PAPPA2: variants seen among roughly 807,000 people sequenced by gnomAD.
The protein encoded by PAPPA2 is pappalysin-2.
A neutral mutation model predicts 176.4 loss-of-function variants in PAPPA2; 86 were observed. That is an observed-to-expected ratio of 0.49 (90% CI 0.41 to 0.58). The LOEUF (loss-of-function observed/expected upper bound fraction) is 0.58. Among genes scored for constraint, PAPPA2 ranks in the 20% least tolerant of loss-of-function variants. The pLI is 0.00. For missense variants in PAPPA2, 2,073 were observed against 2,256.9 expected (o/e 0.92, Z 1.65); for synonymous variants, 809 against 852.2 (o/e 0.95, Z 0.88).
intron 3 of PAPPA2, among the ~76,000 whole-genome samples, chr1:176,625,831 G>T (rs561134874): frequency 1.3e-5 from 2 of 152,020 alleles, no homozygotes; most frequent in Non-Finnish European, 2.9e-5. Flanking sequence ...CATCAGCCTG[G>T]GCAACATGGC....
intron 1 of PAPPA2, among the ~76,000 whole-genome samples, chr1:176,536,810 A>C (rs779572885): frequency 6.6e-6 from 1 of 152,210 alleles, no homozygotes; most frequent in Non-Finnish European, 1.5e-5. Flanking sequence ...CCAATCCAGG[A>C]AAGAGTAAAG....
intron 3 of PAPPA2, among the ~76,000 whole-genome samples, chr1:176,618,661 A>G (rs1558476074): frequency 6.6e-6 from 1 of 152,260 alleles, no homozygotes; most frequent in Non-Finnish European, 1.5e-5. Context: ...TTTACCAGAT[A>G]AATGAGGTAT....
At chr1:176,651,477 T>C (rs1475295361) in intron 3 of PAPPA2, among the ~76,000 whole-genome samples, 6 of 151,658 alleles carry the variant, frequency 4.0e-5, no homozygotes, top group Non-Finnish European at 7.4e-5. Flanking sequence ...ATAGTTTCCA[T>C]AGGGAAGTCT....
intron 11 of PAPPA2, among the ~76,000 whole-genome samples, chr1:176,711,341 G>T (rs1006097292): frequency 6.6e-6 from 1 of 152,118 alleles, no homozygotes; most frequent in Non-Finnish European, 1.5e-5. Flanking sequence ...GGTAATGACC[G>T]CTCTCTGAAG....
intron 21 of PAPPA2, among the ~76,000 whole-genome samples, chr1:176,838,579 G>A (rs1390598661): frequency 6.6e-6 from 1 of 152,182 alleles, no homozygotes; most frequent in Admixed American, 6.5e-5. Context: ...GCATCTATAG[G>A]TGTTAAGGAT....
Position 176,706,414 on chromosome 1 carries a change from A to C in PAPPA2, c.3421A>C (p.Lys1141Gln). Residue 1141 changes from lysine (K) to glutamine (Q), a missense_variant, in exon 10 of 23, where the codon AAG becomes CAG. By Grantham distance (53) the Lys-to-Gln change is moderately conservative (BLOSUM62 1). Coordinates refer to ENST00000367662, the MANE Select transcript of PAPPA2 (RefSeq NM_020318.3). ...CCTTGTGAGCGGAGATGGCTGCTCC[A>C]AGGTGTGTGAGCTGGAGGAAGGTTT... The part of the protein sequence containing the change: ...GDLVSGDGCS[K>Q]VCELEEGFNC... 6.2e-7 allele frequency: 1 copy of C among 1,613,822 alleles called. No homozygotes were observed. Among genetic ancestry groups the C allele is most frequent in the Non-Finnish European group, 8.5e-7 (1 of 1,179,802 alleles).
chr1:176,595,331 C>T lies in PAPPA2; in HGVS notation c.1727C>T (p.Thr576Ile). ...QLSVHQVHNSTLRHRVVLVNC... is the reference protein window; with the variant it reads ...QLSVHQVHNSILRHRVVLVNC... ...AGCGTCCACCAGGTCCACAATTCCACCCTGCGACACCGGGTTGTGCTTGTG... is the reference window on the plus strand; with the variant it reads ...AGCGTCCACCAGGTCCACAATTCCATCCTGCGACACCGGGTTGTGCTTGTG... The change falls in exon 3 of 23, where the codon ACC becomes ATC. Residue 576 changes from threonine to isoleucine, a missense_variant. This residue lies in a region of PAPPA2 where 1,196 missense variants were observed against 1,330.4 expected (regional missense o/e 0.90). Transcript: ENST00000367662. 6.2e-7 allele frequency: 1 copy of T among 1,614,156 alleles called. No homozygotes were observed. Among genetic ancestry groups the T allele is most frequent in the Non-Finnish European group, 8.5e-7 (1 of 1,180,028 alleles).
rs966832774 is a variant in PAPPA2 at position 176,559,131 on chromosome 1, C to T, written c.919+1890C>T. 7.9e-5 allele frequency among the ~76,000 whole-genome samples: 12 copies of T among 152,332 alleles called. No homozygotes were observed. In the East Asian group the frequency reaches 2.3e-3, roughly 29 times the overall value. ...GTCCACCGCCTCCAACCCCTGCCAACACTGCCACAGCACACACTCAGATCC... is the reference window on the plus strand; with the variant it reads ...GTCCACCGCCTCCAACCCCTGCCAATACTGCCACAGCACACACTCAGATCC... On this transcript the variant is annotated intron_variant, in intron 2 of 22. Coordinates refer to ENST00000367662, the MANE Select transcript of PAPPA2 (RefSeq NM_020318.3).
intron 3 of PAPPA2, among the ~76,000 whole-genome samples, chr1:176,629,998 G>A (rs958042983): frequency 3.9e-5 from 6 of 152,066 alleles, no homozygotes; most frequent in African/African-American, 1.4e-4. Context: ...GACAGAGGTT[G>A]CAGTGAGCCG....
chr1:176,824,001 C>A (rs945548582), intron 21 of PAPPA2, among the ~76,000 whole-genome samples: 1 of 152,140 alleles, frequency 6.6e-6, no homozygotes, highest in South Asian at 2.1e-4. Context: ...AGTCTGAATA[C>A]AAAATTATGT....
intron 21 of PAPPA2, among the ~76,000 whole-genome samples, chr1:176,833,091 G>T (rs1667140091): frequency 1.3e-5 from 2 of 152,166 alleles, no homozygotes; most frequent in African/African-American, 4.8e-5. Context: ...CATCCAGCAG[G>T]ATGTGTATCT....
chr1:176,729,996 T>C (rs1420196426), intron 12 of PAPPA2, among the ~76,000 whole-genome samples: 1 of 152,038 alleles, frequency 6.6e-6, no homozygotes, highest in South Asian at 2.1e-4. Context: ...CATTTTTGCC[T>C]TCGTGAAGCA....
At position 176,791,104 on chromosome 1, in the gene PAPPA2, C is replaced by T. The variant is rs1665154893; in HGVS notation, c.4885-243C>T. 2.0e-5 allele frequency among the ~76,000 whole-genome samples: 3 copies of T among 146,424 alleles called. No individual in the cohort carries two copies. In the South Asian group the frequency reaches 6.6e-4, roughly 32 times the overall value. Reference sequence around the variant, plus strand: ...GTGTTCCTATATATAAAGGAAAATACATTGTTAATGCATTTCATTAGTGGA... The same window carrying T: ...GTGTTCCTATATATAAAGGAAAATATATTGTTAATGCATTTCATTAGTGGA... On this transcript the variant is annotated intron_variant, in intron 18 of 22. Coordinates refer to ENST00000367662, the MANE Select transcript of PAPPA2 (RefSeq NM_020318.3).
At chr1:176,814,716 A>T (rs1666307756) in intron 21 of PAPPA2, among the ~76,000 whole-genome samples, 1 of 152,242 alleles carries the variant, frequency 6.6e-6, no homozygotes. Flanking sequence ...ATACAGGATC[A>T]TGTTATCTGC....
At chr1:176,649,373 A>G (rs1657584020) in intron 3 of PAPPA2, among the ~76,000 whole-genome samples, 1 of 151,024 alleles carries the variant, frequency 6.6e-6, no homozygotes, top group Non-Finnish European at 1.5e-5. Flanking sequence ...ATCTTTTAAA[A>G]AAAACTTTTG....
chr1:176,796,622 TTC>T (rs1305810621), intron 20 of PAPPA2, among the ~76,000 whole-genome samples: 6 of 151,212 alleles, frequency 4.0e-5, no homozygotes, highest in Admixed American at 6.6e-5. Context: ...TTTCTTTTCT[TTC>T]TTTCTTTTTC....
chr1:176,800,291 A>G (rs1455582341), intron 21 of PAPPA2, among the ~76,000 whole-genome samples, 159 bp downstream of exon 21: 3 of 152,220 alleles, frequency 2.0e-5, no homozygotes, highest in Non-Finnish European at 2.9e-5. Context: ...TTAAATTTAC[A>G]GAAATTAGGA....
chr1:176,737,342 C>G (rs548629283), intron 12 of PAPPA2, among the ~76,000 whole-genome samples: 1 of 152,132 alleles, frequency 6.6e-6, no homozygotes, highest in Admixed American at 6.6e-5. Flanking sequence ...TAGTGGGTTC[C>G]TTTTGCCTCT....
intron 21 of PAPPA2, among the ~76,000 whole-genome samples, chr1:176,838,469 GT>G (rs1295838495): frequency 7.9e-5 from 12 of 152,188 alleles, no homozygotes; most frequent in Admixed American, 2.0e-4. Context: ...AACAGATGTA[GT>G]GCTAGATGAA....
Sources: allele counts gnomAD v4.1 joint callset (sites outside exome capture counted in the v4.1 genomes callset), GRCh38; gene constraint gnomAD v4.1.1; regional missense constraint gnomAD v4.1.1; transcripts MANE v1.5; gene names NCBI Gene and HGNC (gene_info 2026-07-23, HGNC 2026-07-21).